The following EYA4 variants were observed in gnomAD, a reference collection of about 807,000 sequenced individuals.
EYA4 encodes the protein protein phosphatase EYA4.
EYA4 carries 31 observed loss-of-function variants against 87.9 expected under a neutral mutation model. The observed-to-expected ratio is 0.35, with a 90% CI of 0.27 to 0.48. EYA4 has a LOEUF of 0.48. Among genes scored for constraint, EYA4 ranks in the 20% least tolerant of loss-of-function variants. The probability of loss-of-function intolerance (pLI) is 0.99; values close to 1 mark genes in which losing one functional copy is unlikely to be tolerated. For synonymous variants in EYA4, 263 were observed against 270.6 expected (o/e 0.97, Z 0.28); for missense variants, 678 against 761.4 (o/e 0.89, Z 1.29).
chr6:133,346,376 A>C (rs1264608221), intron 2 of EYA4, among the ~76,000 whole-genome samples: 2 of 152,218 alleles, frequency 1.3e-5, no homozygotes, highest in African/African-American at 4.8e-5. Context: ...TTGAAAGACT[A>C]GTAGTCAGAC....
chr6:133,263,349 A>G (rs2128245444), intron 1 of EYA4, among the ~76,000 whole-genome samples: 1 of 152,304 alleles, frequency 6.6e-6, no homozygotes, highest in East Asian at 1.9e-4. Flanking sequence ...GAGTCACAAG[A>G]TCTGGGTGCT....
chr6:133,325,977 T>C (rs1385651056), intron 2 of EYA4, among the ~76,000 whole-genome samples: 1 of 152,060 alleles, frequency 6.6e-6, no homozygotes, highest in Non-Finnish European at 1.5e-5. Context: ...TACAGGTTCC[T>C]GTTTGTTCCT....
chr6:133,274,217 A>G lies in EYA4; in HGVS notation c.-65-499A>G, dbSNP rs1776980199. On this transcript the variant is annotated intron_variant, in intron 1 of 19. Transcript: ENST00000355286. Reference sequence around the variant, plus strand: ...ACATATTGTCTTTTTAAGGTTGGTCATGTATTTTATATTTTTAAAAAGTGA... The same window carrying G: ...ACATATTGTCTTTTTAAGGTTGGTCGTGTATTTTATATTTTTAAAAAGTGA... Among the ~76,000 whole-genome samples, 3 of 152,086 alleles carry G rather than the reference A, an allele frequency of 2.0e-5. No individual in the cohort carries two copies. The South Asian group carries it at 6.2e-4, about 32-fold the overall frequency.
intron 3 of EYA4, among the ~76,000 whole-genome samples, chr6:133,441,638 G>T (rs1346931693): frequency 1.3e-5 from 2 of 152,140 alleles, no homozygotes; most frequent in South Asian, 2.1e-4. Context: ...GAGTGACAGG[G>T]TGAGTGGTCT....
intron 3 of EYA4, among the ~76,000 whole-genome samples, chr6:133,391,887 A>G (rs1787327056): frequency 6.6e-6 from 1 of 152,132 alleles, no homozygotes; most frequent in South Asian, 2.1e-4. Flanking sequence ...CCTTCACTTT[A>G]TAATCCAGCC....
chr6:133,275,477 C>T (rs1777088403), intron 2 of EYA4, among the ~76,000 whole-genome samples: 1 of 151,810 alleles, frequency 6.6e-6, no homozygotes, highest in South Asian at 2.1e-4. Flanking sequence ...TGCATACGGA[C>T]AACTCATGAT....
intron 3 of EYA4, among the ~76,000 whole-genome samples, chr6:133,385,521 A>G (rs1335021613): frequency 2.0e-5 from 3 of 151,702 alleles, no homozygotes; most frequent in Admixed American, 2.0e-4. Context: ...TCAAATAAAG[A>G]ATTGAACTCA....
intron 3 of EYA4, among the ~76,000 whole-genome samples, chr6:133,394,352 C>A: frequency 9.3e-6 from 1 of 107,342 alleles, no homozygotes; most frequent in Non-Finnish European, 1.8e-5. Flanking sequence ...TCTTAAAATT[C>A]TAGAAAAAGT....
intron 13 of EYA4, among the ~76,000 whole-genome samples, chr6:133,493,201 A>G (rs1332388052): frequency 1.3e-5 from 2 of 152,222 alleles, no homozygotes; most frequent in Non-Finnish European, 1.5e-5. Context: ...AAATTATAAC[A>G]CAAAGTGATA....
At chr6:133,419,865 G>T (rs1240304378) in intron 3 of EYA4, among the ~76,000 whole-genome samples, 1 of 152,170 alleles carries the variant, frequency 6.6e-6, no homozygotes, top group Non-Finnish European at 1.5e-5. Context: ...TACATGGTGG[G>T]CATTAAAGAT....
intron 2 of EYA4, among the ~76,000 whole-genome samples, chr6:133,353,998 G>A (rs978615185): frequency 6.6e-6 from 1 of 152,154 alleles, no homozygotes; most frequent in African/African-American, 2.4e-5. Flanking sequence ...GTGAGGGAAG[G>A]TGGGCTTTAT....
Position 133,308,898 on chromosome 6 carries a change from T to C in EYA4, c.33+34085T>C, listed in dbSNP as rs147224071. ...AACTTAAATACAACTATGTAAAATA[T>C]TTTAAATATGTTTAATATATAACTT... On this transcript the variant is annotated intron_variant, in intron 2 of 19. Transcript: ENST00000355286. Among the ~76,000 whole-genome samples, 377 of 152,186 alleles carry C rather than the reference T, an allele frequency of 2.5e-3. 1 individual carries two copies. Among genetic ancestry groups the C allele is most frequent in the African/African-American group, 8.7e-3 (360 of 41,558 alleles).
At chr6:133,290,043 C>T (rs1354848241) in intron 2 of EYA4, among the ~76,000 whole-genome samples, 1 of 152,156 alleles carries the variant, frequency 6.6e-6, no homozygotes, top group African/African-American at 2.4e-5. Flanking sequence ...AGATTCTGAG[C>T]CCCAGATGCC....
chr6:133,425,303 A>G (rs1449591033), intron 3 of EYA4, among the ~76,000 whole-genome samples: 1 of 150,712 alleles, frequency 6.6e-6, no homozygotes, highest in African/African-American at 2.5e-5. Context: ...GAACTTAGAC[A>G]TGTTTTGGCA....
intron 2 of EYA4, among the ~76,000 whole-genome samples, chr6:133,295,586 A>G (rs1258641520): frequency 6.6e-6 from 1 of 152,222 alleles, no homozygotes; most frequent in Non-Finnish European, 1.5e-5. Context: ...ATGTATGTAT[A>G]TTTGCAATTT....
Position 133,274,821 on chromosome 6 carries a change from T to A in EYA4, c.33+8T>A, listed in dbSNP as rs1169576254. ...GATTTAAATGAACAATCAGTAAGTC[T>A]TCATTCTCAGTTTTGCTGAAAAAAG... On this transcript the variant is annotated splice_region_variant and intron_variant, in intron 2 of 19. Coordinates refer to ENST00000355286, the MANE Select transcript of EYA4 (RefSeq NM_004100.5). The A allele has an allele frequency of 1.2e-6, 2 of 1,613,026 alleles. No individual in the cohort carries two copies. The highest frequency in any genetic ancestry group is 1.7e-6 in the Non-Finnish European group (2 of 1,179,156).
At chr6:133,273,255 TC>T (rs1447765073) in intron 1 of EYA4, among the ~76,000 whole-genome samples, 1 of 151,990 alleles carries the variant, frequency 6.6e-6, no homozygotes, top group African/African-American at 2.4e-5. Context: ...GCAGGAGGCA[TC>T]TAGCACGGGA....
intron 2 of EYA4, among the ~76,000 whole-genome samples, chr6:133,380,706 C>A (rs1298265542): frequency 1.3e-5 from 2 of 151,894 alleles, no homozygotes; most frequent in Non-Finnish European, 2.9e-5. Flanking sequence ...CCTTTTAATT[C>A]TTGTTTTCCT....
chr6:133,478,880 C>A (rs62429425), intron 11 of EYA4, among the ~76,000 whole-genome samples: 1,692 of 152,254 alleles, frequency 0.011, 16 homozygotes, highest in Non-Finnish European at 0.018. Flanking sequence ...ATTATTCCTG[C>A]TAAACTCCTC....
Sources: gnomAD v4.1 joint callset for allele counts (sites outside exome capture counted in the v4.1 genomes callset) on GRCh38, gnomAD v4.1.1 for gene constraint, MANE v1.5 for transcripts, NCBI Gene and HGNC (gene_info 2026-07-23, HGNC 2026-07-21) for gene names.